MYO16: variants seen among roughly 807,000 people sequenced by gnomAD.
MYO16 encodes the protein myosin XVI.
MYO16 carries 94 observed loss-of-function variants against 205.3 expected under a neutral mutation model. The ratio of observed to expected loss-of-function variants is 0.46; its 90% confidence interval spans 0.39 to 0.54. The LOEUF (loss-of-function observed/expected upper bound fraction) is 0.54, where lower values mean the gene tolerates loss of function less well. MYO16 is among the 20% of genes least tolerant of loss of function. MYO16 has a pLI of 0.00. For missense variants in MYO16, 2,315 were observed against 2,387.5 expected (o/e 0.97, Z 0.63); for synonymous variants, 988 against 954.0 (o/e 1.04, Z -0.66).
At chr13:109,173,929 G>A (rs1407454209) in intron 33 of MYO16, among the ~76,000 whole-genome samples, 1 of 117,212 alleles carries the variant, frequency 8.5e-6, no homozygotes, top group Admixed American at 8.3e-5. Context: ...ATCTCTGAAA[G>A]GGTTGTCCTT....
intron 16 of MYO16, among the ~76,000 whole-genome samples, chr13:108,935,333 C>G (rs1344019394): frequency 3.3e-5 from 5 of 152,134 alleles, no homozygotes; most frequent in Non-Finnish European, 5.9e-5. Context: ...AGAGATCTTT[C>G]ACCTCCTTGG....
In MYO16 at chr13:108,925,358, T is replaced by C. The variant is rs74687884; in HGVS notation, c.1925+15208T>C. 1.9e-3 allele frequency among the ~76,000 whole-genome samples: 282 copies of C among 152,318 alleles called. 1 individual carries two copies. The highest frequency in any genetic ancestry group is 6.4e-3 in the African/African-American group (264 of 41,560). On this transcript the variant is annotated intron_variant, in intron 16 of 34. Coordinates refer to ENST00000457511, the MANE Select transcript of MYO16 (RefSeq NM_001198950.3). ...CCTCTTCCTGTGCTGCTGAGCACAT[T>C]GCAGGCTCTCTCTGAACCTCACCTT...
upstream of MYO16, among the ~76,000 whole-genome samples, chr13:108,592,865 T>C (rs940653357): frequency 5.9e-5 from 9 of 151,928 alleles, no homozygotes; most frequent in African/African-American, 2.2e-4. Flanking sequence ...AAAAAAACAT[T>C]GTATGCAACT....
At chr13:108,732,578 A>G (rs1884559402) in intron 4 of MYO16, among the ~76,000 whole-genome samples, 1 of 152,142 alleles carries the variant, frequency 6.6e-6, no homozygotes, top group African/African-American at 2.4e-5. Flanking sequence ...GTGAAGTGAC[A>G]GGGGTCAGGG....
intron 9 of MYO16, among the ~76,000 whole-genome samples, chr13:108,843,434 A>G (rs1185423257): frequency 2.0e-5 from 3 of 152,116 alleles, no homozygotes. Context: ...TATCAGTCCA[A>G]TCTCACTGAA....
intron 20 of MYO16, among the ~76,000 whole-genome samples, chr13:108,965,551 C>T (rs1486915177): frequency 6.6e-6 from 1 of 152,160 alleles, no homozygotes; most frequent in African/African-American, 2.4e-5. Flanking sequence ...GGATTACAGG[C>T]ATGCGCCACC....
intron 28 of MYO16, among the ~76,000 whole-genome samples, chr13:109,104,619 G>A (rs1050621235): frequency 6.6e-6 from 1 of 152,136 alleles, no homozygotes; most frequent in East Asian, 1.9e-4. Flanking sequence ...CTAATTCTGA[G>A]GGTTAAGACC....
chr13:108,859,286 T>C (rs1878345636), intron 11 of MYO16, among the ~76,000 whole-genome samples: 1 of 152,164 alleles, frequency 6.6e-6, no homozygotes, highest in Non-Finnish European at 1.5e-5. Flanking sequence ...CCATAATAGG[T>C]TCCCAATAAA....
chr13:108,571,444 T>C, the MYO16 span, among the ~76,000 whole-genome samples: 33,068 of 152,122 alleles, frequency 0.22, 4,042 homozygotes, highest in East Asian at 0.4. Context: ...TCTAAAATCT[T>C]AAGAGGCTAA....
At chr13:108,526,478 G>A in the MYO16 span, among the ~76,000 whole-genome samples, 1 of 145,510 alleles carries the variant, frequency 6.9e-6, no homozygotes, top group South Asian at 2.1e-4. Flanking sequence ...TTTTGTGGGG[G>A]CATCTTTTTT....
In MYO16 at chr13:109,168,549, C is replaced by G. The variant is rs543347079; in HGVS notation, c.5323+3490C>G. On this transcript the variant is annotated intron_variant, in intron 33 of 34. Coordinates refer to ENST00000457511, the MANE Select transcript of MYO16 (RefSeq NM_001198950.3). ...GACCAGCCTGGCCAACATGGTGAAA[C>G]CCCCATCTCTACTAAAAATACAAAA... is the stretch of plus-strand genomic sequence containing the variant. Among the ~76,000 whole-genome samples the G allele has an allele frequency of 2.3e-3, 352 of 151,866 alleles. 2 individuals carry two copies. The highest frequency in any genetic ancestry group is 4.1e-3 in the Non-Finnish European group (281 of 67,894).
At chr13:109,069,077 G>A (rs9301339) in intron 27 of MYO16, among the ~76,000 whole-genome samples, 75,940 of 151,930 alleles carry the variant, frequency 0.5, 19,014 homozygotes, top group Middle Eastern at 0.55. Flanking sequence ...ATAAATGAAA[G>A]TGTTAAAATA....
At chr13:108,722,824 G>A (rs556026734) in intron 3 of MYO16, among the ~76,000 whole-genome samples, 1 of 152,246 alleles carries the variant, frequency 6.6e-6, no homozygotes, top group African/African-American at 2.4e-5. Flanking sequence ...TGAAGCTCCA[G>A]GGGATGGGGC....
rs188541444 is a variant in MYO16 at position 108,738,912 on chromosome 13, G to C, written c.507+11329G>C. 3.4e-4 allele frequency among the ~76,000 whole-genome samples: 51 copies of C among 152,124 alleles called. No individual in the cohort carries two copies. The Middle Eastern group carries it at 0.01, about 30-fold the overall frequency. Reference sequence around the variant, plus strand: ...TGTAATGGCCTTCTTTGTCTCTTTTGATCTTTGTTGGTTTAAGGTCTGTTT... The same window carrying C: ...TGTAATGGCCTTCTTTGTCTCTTTTCATCTTTGTTGGTTTAAGGTCTGTTT... On this transcript the variant is annotated intron_variant, in intron 4 of 34. Transcript: ENST00000457511.
chr13:109,116,822 A>G (rs576013829), intron 28 of MYO16, among the ~76,000 whole-genome samples: 1 of 152,242 alleles, frequency 6.6e-6, no homozygotes, highest in South Asian at 2.1e-4. Context: ...GGGAAGGAGC[A>G]GGGTTGGCAA....
chr13:108,869,592 GT>G, intron 12 of MYO16, among the ~76,000 whole-genome samples: 1 of 150,226 alleles, frequency 6.7e-6, no homozygotes, highest in Non-Finnish European at 1.5e-5. Flanking sequence ...TTAGCCGGGC[GT>G]CGTGGCGGGC....
intron 11 of MYO16, among the ~76,000 whole-genome samples, chr13:108,865,097 C>T (rs555453371): frequency 1.3e-4 from 20 of 152,074 alleles, no homozygotes; most frequent in South Asian, 4.2e-4. Context: ...CTAATTCTAC[C>T]GTAATAGAAC....
At chr13:108,595,881 C>CTTTTTTTT (rs67620613), upstream of MYO16, among the ~76,000 whole-genome samples, 5 of 108,308 alleles carry the variant, frequency 4.6e-5, no homozygotes, top group Admixed American at 1.1e-4. Flanking sequence ...AAATTAAGTC[C>CTTTTTTTT]TTTTTTTTTT....
At chr13:108,729,413 T>G (rs745831011) in intron 4 of MYO16, among the ~76,000 whole-genome samples, 1 of 152,208 alleles carries the variant, frequency 6.6e-6, no homozygotes, top group Non-Finnish European at 1.5e-5. Flanking sequence ...GTTTGATACA[T>G]TTTTTGATAG....
Sources: allele counts gnomAD v4.1 joint callset (sites outside exome capture counted in the v4.1 genomes callset), GRCh38; gene constraint gnomAD v4.1.1; transcripts MANE v1.5; gene names NCBI Gene and HGNC (gene_info 2026-07-23, HGNC 2026-07-21).